Variants in HMMR observed in about 807,000 individuals in gnomAD.
The protein encoded by HMMR is intracellular hyaluronic acid-binding protein.
Under a neutral mutation model 101.0 loss-of-function variants are expected in HMMR, and 108 were observed. The ratio of observed to expected loss-of-function variants is 1.07; its 90% CI spans 0.92 to 1.25. The LOEUF (loss-of-function observed/expected upper bound fraction) is 1.25. Among genes scored for constraint, HMMR ranks in the 50% most tolerant of loss-of-function variants. HMMR has a pLI of 0.00. For missense variants in HMMR, 813 were observed against 788.7 expected (o/e 1.03, Z -0.37); for synonymous variants, 296 against 276.4 (o/e 1.07, Z -0.70).
In HMMR at chr5:163,483,174, T is replaced by C; in HGVS notation, c.1685+2T>C. The C allele has an allele frequency of 1.9e-6, 3 of 1,607,536 alleles. No homozygotes were observed. The highest frequency in any genetic ancestry group is 1.7e-6 in the Non-Finnish European group (2 of 1,176,514). The stretch of plus-strand genomic sequence containing the variant: ...ACAGCTGGAAGATGAAGAAGGAAGG[T>C]AATCTATGATTAGAACCTGAGTGCC... On this transcript the variant is annotated splice_donor_variant, in intron 14 of 17. Transcript: ENST00000393915. LOFTEE classifies it high-confidence loss of function.
Position 163,469,604 on chromosome 5 carries a change from T to C in HMMR, c.274-37T>C, listed in dbSNP as rs1211167205. 2.6e-6 allele frequency: 4 copies of C among 1,546,136 alleles called. No homozygotes were observed. The African/African-American group carries it at 5.5e-5, about 21-fold the overall frequency. On this transcript the variant is annotated intron_variant, in intron 4 of 17. Coordinates refer to ENST00000393915, the MANE Select transcript of HMMR (RefSeq NM_001142556.2). The stretch of plus-strand genomic sequence containing the variant: ...AGCATCTCCTTATGTTGGCATTCTA[T>C]CAGTGAATCATTTATTATCACCTTG...
chr5:163,464,657 T>C, intron 2 of HMMR, 66 bp from the exon 3 acceptor site: 1 of 1,096,590 alleles, frequency 9.1e-7, no homozygotes, highest in African/African-American at 1.6e-5. Flanking sequence ...ATTTGGAAAT[T>C]GTGTTTTGTG....
intron 1 of HMMR, among the ~76,000 whole-genome samples, chr5:163,461,013 G>A (rs1758513559): frequency 6.6e-6 from 1 of 152,208 alleles, no homozygotes; most frequent in Non-Finnish European, 1.5e-5. Flanking sequence ...AGAAACTACA[G>A]CAGGGCGAAG....
At chr5:163,477,200 A>ACATATT (rs1759095805) in intron 11 of HMMR, among the ~76,000 whole-genome samples, 2 of 152,196 alleles carry the variant, frequency 1.3e-5, no homozygotes. Flanking sequence ...TCCTTAGCCT[A>ACATATT]CATATTCATA....
intron 5 of HMMR, among the ~76,000 whole-genome samples, chr5:163,470,187 A>G (rs1758840464): frequency 6.6e-6 from 1 of 151,986 alleles, no homozygotes; most frequent in South Asian, 2.1e-4. Context: ...AACAAAACAA[A>G]ACAACATACA....
chr5:163,466,137 G>A (rs561648602), intron 3 of HMMR, among the ~76,000 whole-genome samples: 49 of 151,858 alleles, frequency 3.2e-4, no homozygotes, highest in African/African-American at 1.1e-3. Flanking sequence ...GTGGTGGCAC[G>A]TACCTGTAAT....
At chr5:163,475,423 C>G in intron 10 of HMMR, 35 bp from the exon 11 acceptor site, 2 of 1,310,554 alleles carry the variant, frequency 1.5e-6, no homozygotes, top group Non-Finnish European at 2.1e-6. Flanking sequence ...CAATGCCATT[C>G]CAAATTATTT....
At chr5:163,487,504 C>A (rs1477852606) in intron 16 of HMMR, among the ~76,000 whole-genome samples, 4 of 151,902 alleles carry the variant, frequency 2.6e-5, no homozygotes, top group Non-Finnish European at 4.4e-5. Context: ...GGTATTAATT[C>A]TTCATTGAAT....
chr5:163,475,158 T>C (rs1759027711), intron 10 of HMMR, among the ~76,000 whole-genome samples: 1 of 151,912 alleles, frequency 6.6e-6, no homozygotes, highest in Non-Finnish European at 1.5e-5. Context: ...ATGTGAAAAA[T>C]AATGTTAATA....
In HMMR at chr5:163,478,666, A is replaced by C. The variant is rs373559402; in HGVS notation, c.1269-18A>C. On this transcript the variant is annotated intron_variant, in intron 11 of 17. Coordinates refer to ENST00000393915, the MANE Select transcript of HMMR (RefSeq NM_001142556.2). ...ATTGTAGGTGGCATTTTATCTTTCA[A>C]TTATTTCTTTTTCTTAGGAAGGAGG... 5 of 1,467,254 alleles carry C rather than the reference A, an allele frequency of 3.4e-6. No individual in the cohort carries two copies. In the South Asian group the frequency reaches 5.7e-5, roughly 17 times the overall value. 90.9% of individuals were successfully genotyped at this position (1,467,254 alleles called of 1,614,324 possible). A position where few individuals can be genotyped will look rare whatever the true frequency, so the allele number is the denominator to read the frequency against.
chr5:163,488,806 A>G (rs1487237951), intron 16 of HMMR, among the ~76,000 whole-genome samples: 1 of 152,244 alleles, frequency 6.6e-6, no homozygotes, highest in African/African-American at 2.4e-5. Context: ...TAGGGATTGC[A>G]TACGAGAGCA....
rs957414894 is a variant in HMMR at position 163,464,579 on chromosome 5, A to G, written c.146-144A>G. On this transcript the variant is annotated intron_variant, in intron 2 of 17. Coordinates refer to ENST00000393915, the MANE Select transcript of HMMR (RefSeq NM_001142556.2). ...CAGTGGGCTGAGATGACACCACTGCAGTCCAGGCTGGGTGACAGTGAGACT... is the reference window on the plus strand; with the variant it reads ...CAGTGGGCTGAGATGACACCACTGCGGTCCAGGCTGGGTGACAGTGAGACT... 17 of 611,720 alleles carry G rather than the reference A, an allele frequency of 2.8e-5. No homozygotes were observed. The East Asian group carries it at 4.6e-4, about 16-fold the overall frequency. The allele number at this position is 611,720 out of a possible 1,614,324, so 37.9% of individuals were successfully genotyped here.
chr5:163,472,802 G>A (rs1228921350), intron 7 of HMMR, among the ~76,000 whole-genome samples: 1 of 152,136 alleles, frequency 6.6e-6, no homozygotes, highest in Non-Finnish European at 1.5e-5. Flanking sequence ...AAACAGATAA[G>A]TAATTGAAGA....
At chr5:163,482,041 G>A (rs963652339) in intron 12 of HMMR, among the ~76,000 whole-genome samples, 5 of 152,014 alleles carry the variant, frequency 3.3e-5, no homozygotes, top group African/African-American at 9.7e-5. Flanking sequence ...TCAGCCTCCC[G>A]AGTAGCTGAG....
At position 163,484,161 on chromosome 5, in the gene HMMR, T is replaced by C; in HGVS notation, c.1878T>C (p.Tyr626=). Residue 626 remains tyrosine, a synonymous_variant, in exon 16 of 18, where the codon TAT becomes TAC. Coordinates refer to ENST00000393915, the MANE Select transcript of HMMR (RefSeq NM_001142556.2). ...QEQLNKIRDS[Y]AKLLGHQNLK... is the part of the protein sequence containing the mutation. The stretch of plus-strand genomic sequence containing the variant: ...AGCTAAATAAAATAAGAGATTCATA[T>C]GCTAAATTATTGGGTCATCAGAATT... 1 of 1,605,058 alleles carries C rather than the reference T, an allele frequency of 6.2e-7. No individual in the cohort carries two copies. Among genetic ancestry groups the C allele is most frequent in the Non-Finnish European group, 8.5e-7 (1 of 1,173,426 alleles).
intron 3 of HMMR, among the ~76,000 whole-genome samples, chr5:163,465,648 G>A (rs943511031): frequency 4.0e-5 from 6 of 151,722 alleles, no homozygotes; most frequent in Admixed American, 3.3e-4. Flanking sequence ...ACACCCAGCC[G>A]CCATATAATA....
Position 163,490,394 on chromosome 5 carries a change from T to G in HMMR, c.1967T>G (p.Val656Gly). ...CTATTATTTCTTTTTACCTAGGAAG[T>G]ATCAAAACTCCGCTGTCAGCTTGCT... is the stretch of plus-strand genomic sequence containing the variant. ...KDENSQLKSE[V>G]SKLRCQLAKK... Residue 656 changes from valine (V) to glycine (G), a missense_variant, in exon 17 of 18, where the codon GTA (valine) becomes GGA (glycine). Val to Gly is a moderately radical substitution (Grantham distance 109, BLOSUM62 -3). Coordinates refer to ENST00000393915, the MANE Select transcript of HMMR (RefSeq NM_001142556.2). 1 of 1,559,316 alleles carries G rather than the reference T, an allele frequency of 6.4e-7. No individual in the cohort carries two copies. The highest frequency in any genetic ancestry group is 8.7e-7 in the Non-Finnish European group (1 of 1,148,670).
intron 11 of HMMR, 150 bp downstream of exon 11, chr5:163,475,822 AG>A (rs1759052813): frequency 2.3e-6 from 1 of 430,998 alleles, no homozygotes; most frequent in Non-Finnish European, 4.1e-6. Context: ...TTTACAATTA[AG>A]TAGTAGACAC....
intron 3 of HMMR, among the ~76,000 whole-genome samples, chr5:163,466,256 G>A (rs1031682235): frequency 8.5e-5 from 13 of 152,184 alleles, no homozygotes; most frequent in African/African-American, 2.7e-4. Flanking sequence ...GCAGCAGAGC[G>A]AGACCTATCT....
Sources: allele counts gnomAD v4.1 joint callset (sites outside exome capture counted in the v4.1 genomes callset), GRCh38; gene constraint gnomAD v4.1.1; transcripts MANE v1.5; gene names NCBI Gene and HGNC (gene_info 2026-07-23, HGNC 2026-07-21).